The following DLG2 variants were observed in gnomAD, a reference collection of about 807,000 sequenced individuals.
DLG2 encodes disks large homolog 2.
DLG2 carries 45 observed loss-of-function variants against 132.5 expected under a neutral mutation model. The observed-to-expected ratio is 0.34, with a 90% CI of 0.27 to 0.44. DLG2 has a LOEUF of 0.44. Ranked by LOEUF, DLG2 falls within the 20% of genes least tolerant of loss-of-function variation. The probability of loss-of-function intolerance (pLI) is 1.00; values close to 1 mark genes in which losing one functional copy is unlikely to be tolerated. For synonymous variants in DLG2, 424 were observed against 419.6 expected, an observed-to-expected ratio of 1.01 and a Z score of -0.13; for missense variants, 1,045 against 1,196.9, an observed-to-expected ratio of 0.87 and a Z score of 1.87.
intron 15 of DLG2, among the ~76,000 whole-genome samples, chr11:83,892,060 C>T (rs1382598711): frequency 1.3e-5 from 2 of 152,166 alleles, no homozygotes; most frequent in Non-Finnish European, 2.9e-5. Context: ...TTGTTCAGTT[C>T]CCTCTGCCCT....
chr11:85,610,923 C>A (rs1189458559), intron 2 of DLG2, among the ~76,000 whole-genome samples: 1 of 152,142 alleles, frequency 6.6e-6, no homozygotes, highest in East Asian at 1.9e-4. Flanking sequence ...GATGGCCAGA[C>A]CACTCTATAC....
chr11:85,169,650 GT>G (rs1220204773), intron 4 of DLG2, among the ~76,000 whole-genome samples: 1 of 152,168 alleles, frequency 6.6e-6, no homozygotes, highest in Non-Finnish European at 1.5e-5. Flanking sequence ...ACAGACAATA[GT>G]TTGTGACATT....
chr11:85,372,115 G>C (rs993811322), intron 3 of DLG2, among the ~76,000 whole-genome samples: 1 of 152,202 alleles, frequency 6.6e-6, no homozygotes, highest in Non-Finnish European at 1.5e-5. Context: ...ATCTCCAGCT[G>C]TAGCTCCGAA....
chr11:84,378,053 A>G (rs191609140), intron 7 of DLG2, among the ~76,000 whole-genome samples: 77 of 152,328 alleles, frequency 5.1e-4, no homozygotes, highest in African/African-American at 1.8e-3. Flanking sequence ...TCCACTGGCT[A>G]TAGACTGAAT....
chr11:84,640,965 C>CAA (rs372969825), intron 6 of DLG2, among the ~76,000 whole-genome samples: 21 of 138,720 alleles, frequency 1.5e-4, no homozygotes, highest in African/African-American at 4.6e-4. Flanking sequence ...AAAAAAAAAA[C>CAA]AAAAAAAAAA....
chr11:84,335,043 A>G (rs1024955614), intron 7 of DLG2, among the ~76,000 whole-genome samples: 14 of 151,866 alleles, frequency 9.2e-5, no homozygotes, highest in Non-Finnish European at 2.1e-4. Context: ...TCAAAAATAT[A>G]TGATTTAATA....
At chr11:83,478,053 C>T (rs751902427) in intron 22 of DLG2, among the ~76,000 whole-genome samples, 6 of 152,088 alleles carry the variant, frequency 3.9e-5, no homozygotes, top group Non-Finnish European at 5.9e-5. Flanking sequence ...ACACTTTGTG[C>T]ACTTTTTCAT....
intron 7 of DLG2, among the ~76,000 whole-genome samples, chr11:84,402,813 C>T (rs1601512085): frequency 7.1e-6 from 1 of 141,328 alleles, no homozygotes; most frequent in Admixed American, 7.5e-5. Context: ...AGCCGGGAGG[C>T]GGAGCTTGCA....
intron 4 of DLG2, among the ~76,000 whole-genome samples, chr11:85,235,365 T>G (rs2075530841): frequency 6.6e-6 from 1 of 151,988 alleles, no homozygotes; most frequent in Non-Finnish European, 1.5e-5. Context: ...TCATCCATCC[T>G]TTCATTCATC....
intron 19 of DLG2, among the ~76,000 whole-genome samples, chr11:83,543,660 A>G (rs1211413872): frequency 1.3e-5 from 2 of 152,170 alleles, no homozygotes; most frequent in Admixed American, 6.5e-5. Context: ...AAAATGTTAC[A>G]TAAGGTAATA....
At chr11:84,256,352 G>A (rs1051000822) in intron 7 of DLG2, among the ~76,000 whole-genome samples, 1 of 152,176 alleles carries the variant, frequency 6.6e-6, no homozygotes, top group East Asian at 1.9e-4. Context: ...GAAATGTAGA[G>A]TAGCTAGTCA....
At chr11:84,318,562 G>T (rs2098382786) in intron 7 of DLG2, among the ~76,000 whole-genome samples, 1 of 152,150 alleles carries the variant, frequency 6.6e-6, no homozygotes, top group African/African-American at 2.4e-5. Context: ...CTTATTGCAA[G>T]GGCTGAGATC....
intron 6 of DLG2, among the ~76,000 whole-genome samples, chr11:84,741,130 G>C (rs1049118065): frequency 1.4e-5 from 2 of 142,850 alleles, no homozygotes; most frequent in African/African-American, 5.3e-5. Flanking sequence ...GCTGTGGCGC[G>C]ATCTCCGCTC....
chr11:83,974,056 G>GT (rs1214025649), intron 12 of DLG2, among the ~76,000 whole-genome samples: 2 of 152,066 alleles, frequency 1.3e-5, no homozygotes, highest in Non-Finnish European at 2.9e-5. Flanking sequence ...ATGAGGTGTT[G>GT]TAGGCAAAAG....
At chr11:83,882,088 T>C (rs2066430833) in intron 15 of DLG2, among the ~76,000 whole-genome samples, 1 of 152,102 alleles carries the variant, frequency 6.6e-6, no homozygotes, top group African/African-American at 2.4e-5. Context: ...ATAATTTACG[T>C]AAGAAAAATG....
intron 3 of DLG2, among the ~76,000 whole-genome samples, chr11:85,375,043 C>G (rs981929949): frequency 1.3e-5 from 2 of 151,770 alleles, no homozygotes; most frequent in African/African-American, 4.8e-5. Context: ...CTTTTTACTT[C>G]TTTATTCCTT....
At chr11:84,445,785 G>A (rs974355830) in intron 7 of DLG2, among the ~76,000 whole-genome samples, 1 of 151,640 alleles carries the variant, frequency 6.6e-6, no homozygotes, top group Admixed American at 6.6e-5. Flanking sequence ...GTGTGGTAGC[G>A]GGCGCCTGTA....
chr11:85,114,115 A>G (rs577906806), intron 5 of DLG2, among the ~76,000 whole-genome samples: 1 of 152,144 alleles, frequency 6.6e-6, no homozygotes, highest in African/African-American at 2.4e-5. Context: ...AACCTACCAC[A>G]GCAGGTGGAG....
intron 11 of DLG2, among the ~76,000 whole-genome samples, chr11:83,997,518 TG>T (rs1359285378): frequency 6.6e-6 from 1 of 151,772 alleles, no homozygotes; most frequent in African/African-American, 2.4e-5. Flanking sequence ...GCAGATCACT[TG>T]GGGTCAGGAG....
Sources: gnomAD v4.1 joint callset for allele counts (sites outside exome capture counted in the v4.1 genomes callset) on GRCh38, gnomAD v4.1.1 for gene constraint, MANE v1.5 for transcripts, NCBI Gene and HGNC (gene_info 2026-07-23, HGNC 2026-07-21) for gene names.